Variants in PRDM6 observed in about 807,000 individuals in gnomAD.
The protein encoded by PRDM6 is putative histone-lysine N-methyltransferase PRDM6.
In PRDM6, 25 loss-of-function variants were observed where a neutral mutation model predicts 60.8. The observed-to-expected ratio is 0.41, with a 90% CI of 0.30 to 0.57. The LOEUF (loss-of-function observed/expected upper bound fraction) is 0.57, where lower values mean the gene tolerates loss of function less well. PRDM6 is among the 20% of genes least tolerant of loss of function. The probability of loss-of-function intolerance (pLI) is 0.27; values close to 1 mark genes in which losing one functional copy is unlikely to be tolerated. For synonymous variants in PRDM6, 407 were observed against 357.4 expected, an observed-to-expected ratio of 1.14 and a Z score of -1.57; for missense variants, 839 against 821.3, an observed-to-expected ratio of 1.02 and a Z score of -0.26.
intron 3 of PRDM6, among the ~76,000 whole-genome samples, chr5:123,121,960 G>C (rs1307415461): frequency 1.3e-5 from 2 of 150,524 alleles, no homozygotes; most frequent in Non-Finnish European, 3.0e-5. Flanking sequence ...TCAGGAGTTC[G>C]AGACCAGCCT....
At chr5:123,094,031 A>T (rs1008456742) in intron 2 of PRDM6, among the ~76,000 whole-genome samples, 1 of 151,822 alleles carries the variant, frequency 6.6e-6, no homozygotes, top group African/African-American at 2.4e-5. Context: ...GGCTGGAAAC[A>T]GCGCCGGTGT....
intron 3 of PRDM6, among the ~76,000 whole-genome samples, chr5:123,123,748 C>T (rs1434089850): frequency 1.3e-5 from 2 of 152,098 alleles, no homozygotes; most frequent in Admixed American, 6.6e-5. Flanking sequence ...AACTTTAGGC[C>T]CATTTGATAC....
intron 3 of PRDM6, among the ~76,000 whole-genome samples, chr5:123,134,997 TA>T (rs113763871): frequency 1.3e-5 from 2 of 148,262 alleles, no homozygotes; most frequent in Admixed American, 1.3e-4. Context: ...AAAGTATTCT[TA>T]AAAAAAAAAC....
intron 6 of PRDM6, among the ~76,000 whole-genome samples, chr5:123,172,917 C>T (rs1045681865): frequency 1.3e-5 from 2 of 152,154 alleles, no homozygotes; most frequent in Non-Finnish European, 2.9e-5. Flanking sequence ...TGGGGCCGGG[C>T]GCAGTGGCTC....
chr5:123,187,001 CTG>C (rs1339285832), intron 7 of PRDM6, 84 bp from the exon 8 acceptor site: 4 of 986,476 alleles, frequency 4.1e-6, no homozygotes, highest in African/African-American at 1.6e-5. Context: ...TTTGGAGTGT[CTG>C]TTCTGATTAG....
chr5:123,098,772 TC>T (rs1204650205), intron 2 of PRDM6, among the ~76,000 whole-genome samples: 1 of 152,196 alleles, frequency 6.6e-6, no homozygotes, highest in Non-Finnish European at 1.5e-5. Context: ...ATTCCTTTCT[TC>T]CGGCGTCTAG....
intron 2 of PRDM6, among the ~76,000 whole-genome samples, chr5:123,098,243 C>G (rs1764004809): frequency 6.6e-6 from 1 of 152,240 alleles, no homozygotes; most frequent in Non-Finnish European, 1.5e-5. Context: ...CCGCCCCGCT[C>G]TGGCGCATCC....
chr5:123,142,319 A>G (rs917043282), intron 3 of PRDM6, among the ~76,000 whole-genome samples: 10 of 152,316 alleles, frequency 6.6e-5, no homozygotes, highest in Non-Finnish European at 1.5e-4. Context: ...AATGGAGCAC[A>G]TGGAGATTCA....
rs985678656 is a variant in PRDM6 at position 123,089,773 on chromosome 5, G to A, written c.-15-227G>A. On this transcript the variant is annotated intron_variant, in intron 1 of 7. Coordinates refer to ENST00000407847, the MANE Select transcript of PRDM6 (RefSeq NM_001136239.4). ...CAGCATTGCTGGATGGGAGCTGGAC[G>A]CTGCGATCGGGGAGGCAGAGCAGGG... 3.9e-5 allele frequency among the ~76,000 whole-genome samples: 6 copies of A among 152,206 alleles called. No individual in the cohort carries two copies. The South Asian group carries it at 1.0e-3, about 26-fold the overall frequency.
At chr5:123,150,647 A>G (rs1040796199) in intron 3 of PRDM6, among the ~76,000 whole-genome samples, 34 of 152,136 alleles carry the variant, frequency 2.2e-4, no homozygotes, top group South Asian at 4.2e-4. Context: ...GACTATTGGA[A>G]CCCCAATTTT....
chr5:123,187,413 C>G lies in PRDM6; in HGVS notation c.*212C>G. On this transcript the variant is annotated 3_prime_UTR_variant, in exon 8 of 8. Coordinates refer to ENST00000407847, the MANE Select transcript of PRDM6 (RefSeq NM_001136239.4). ...ATTTATTTATGACTTAGGGATGAGACTTATTTCAGTGGACAACTAACCTGG... is the reference window on the plus strand; with the variant it reads ...ATTTATTTATGACTTAGGGATGAGAGTTATTTCAGTGGACAACTAACCTGG... The G allele has an allele frequency of 5.2e-6, 2 of 388,270 alleles. No homozygotes were observed. Among genetic ancestry groups the G allele is most frequent in the East Asian group, 5.0e-5 (1 of 19,968 alleles). 24.1% of individuals were successfully genotyped at this position (388,270 alleles called of 1,614,324 possible).
rs1386861386 is a variant in PRDM6, at chr5:123,191,860, A to G, written c.*4659A>G. On this transcript the variant is annotated 3_prime_UTR_variant, in exon 8 of 8. Coordinates refer to ENST00000407847, the MANE Select transcript of PRDM6 (RefSeq NM_001136239.4). ...GCCAGACAGAGCCAAACTGAAAAGA[A>G]TATTGCTTTATCTGTGGAAACCTTG... 1 of 152,206 alleles carries G rather than the reference A, an allele frequency of 6.6e-6. No homozygotes were observed. Among genetic ancestry groups the G allele is most frequent in the Non-Finnish European group, 1.5e-5 (1 of 68,038 alleles). 9.4% of individuals were successfully genotyped at this position (152,206 alleles called of 1,614,324 possible). A position where few individuals can be genotyped will look rare whatever the true frequency, so the allele number is the denominator to read the frequency against.
At chr5:123,130,108 CCCCT>C (rs1764789939) in intron 3 of PRDM6, among the ~76,000 whole-genome samples, 1 of 51,592 alleles carries the variant, frequency 1.9e-5, no homozygotes, top group Non-Finnish European at 3.6e-5. Flanking sequence ...CCCCTCCCCT[CCCCT>C]CCTCTCCCCT....
chr5:123,169,997 C>A (rs1303604430), intron 5 of PRDM6, among the ~76,000 whole-genome samples: 1 of 152,158 alleles, frequency 6.6e-6, no homozygotes, highest in Admixed American at 6.5e-5. Flanking sequence ...CTCTCTCAAG[C>A]CCTTCCTGAA....
chr5:123,147,839 AATG>A (rs1765281618), intron 3 of PRDM6, among the ~76,000 whole-genome samples: 1 of 152,228 alleles, frequency 6.6e-6, no homozygotes, highest in Non-Finnish European at 1.5e-5. Context: ...AAGACTCCAG[AATG>A]ATGGATGGCA....
chr5:123,104,302 T>A (rs1156530334), intron 3 of PRDM6, among the ~76,000 whole-genome samples: 1 of 152,140 alleles, frequency 6.6e-6, no homozygotes, highest in Non-Finnish European at 1.5e-5. Context: ...ATATTTTAAA[T>A]ATATTATGTA....
At chr5:123,110,744 T>G (rs1764294730) in intron 3 of PRDM6, among the ~76,000 whole-genome samples, 1 of 152,002 alleles carries the variant, frequency 6.6e-6, no homozygotes, top group African/African-American at 2.4e-5. Flanking sequence ...TTCTGTATTT[T>G]TAGTAGAGAC....
chr5:123,136,830 G>C (rs1387297952), intron 3 of PRDM6, among the ~76,000 whole-genome samples: 1 of 144,038 alleles, frequency 6.9e-6, no homozygotes, highest in Non-Finnish European at 1.5e-5. Flanking sequence ...CTCACCCACT[G>C]CTCTCCTCAC....
At position 123,099,603 on chromosome 5, in the gene PRDM6, G is replaced by C; in HGVS notation, c.593-51G>C. The C allele has an allele frequency of 7.1e-7, 1 of 1,407,184 alleles. No homozygotes were observed. Among genetic ancestry groups the C allele is most frequent in the Non-Finnish European group, 9.3e-7 (1 of 1,074,648 alleles). The allele number at this position is 1,407,184 out of a possible 1,614,324, so 87.2% of individuals were successfully genotyped here. On this transcript the variant is annotated intron_variant, in intron 2 of 7. Transcript: ENST00000407847. This position sits in a 1 kb window ranked among gnomAD's most constrained non-coding sequence, Gnocchi z 4.0. ...GTTTACTCAAAGATGGGCCGCTCGG[G>C]GCGGCCGGATTAACCCGCTCCCTTC... is the stretch of plus-strand genomic sequence containing the variant.
Sources: allele counts gnomAD v4.1 joint callset (sites outside exome capture counted in the v4.1 genomes callset), GRCh38; gene constraint gnomAD v4.1.1; non-coding constraint Gnocchi (gnomAD v3.1); transcripts MANE v1.5; gene names NCBI Gene and HGNC (gene_info 2026-07-23, HGNC 2026-07-21).